Variants in BTBD10 observed in about 807,000 individuals in gnomAD.
The protein encoded by BTBD10 is BTB/POZ domain-containing protein 10.
BTBD10 carries 21 observed loss-of-function variants against 53.2 expected under a neutral mutation model. The ratio of observed to expected loss-of-function variants is 0.39; its 90% CI spans 0.28 to 0.57. The LOEUF (loss-of-function observed/expected upper bound fraction) is 0.57, where lower values mean the gene tolerates loss of function less well. BTBD10 is among the 20% of genes least tolerant of loss of function. BTBD10 has a pLI of 0.53. For synonymous variants in BTBD10, 149 were observed against 192.7 expected (o/e 0.77, Z 1.88); for missense variants, 360 against 594.7 (o/e 0.61, Z 4.10).
At chr11:13,389,252 A>C in intron 8 of BTBD10, 111 bp from the exon 9 acceptor site, 1 of 856,506 alleles carries the variant, frequency 1.2e-6, no homozygotes, top group South Asian at 1.8e-5. Flanking sequence ...ATTTAAAACA[A>C]AGAAGTGAAA....
chr11:13,444,033 T>A (rs1278162198), intron 2 of BTBD10, among the ~76,000 whole-genome samples: 1 of 152,148 alleles, frequency 6.6e-6, no homozygotes, highest in Non-Finnish European at 1.5e-5. Flanking sequence ...TGGCATGGAC[T>A]TATAAATTAT....
chr11:13,448,721 T>C (rs1447040988), intron 1 of BTBD10, among the ~76,000 whole-genome samples: 1 of 152,138 alleles, frequency 6.6e-6, no homozygotes, highest in African/African-American at 2.4e-5. Flanking sequence ...CTTACTAGCT[T>C]TGCTGTAATC....
At chr11:13,413,798 T>C in intron 5 of BTBD10, 148 bp from the exon 6 acceptor site, 1 of 650,458 alleles carries the variant, frequency 1.5e-6, no homozygotes, top group South Asian at 3.6e-5. Flanking sequence ...AGATGAGACC[T>C]CCGTTCACCT....
intron 2 of BTBD10, among the ~76,000 whole-genome samples, chr11:13,443,878 C>T (rs1419292729): frequency 6.6e-6 from 1 of 152,014 alleles, no homozygotes; most frequent in Non-Finnish European, 1.5e-5. Flanking sequence ...ACCACCACAC[C>T]TGGCAAAACC....
chr11:13,453,719 G>C (rs1374181240), intron 1 of BTBD10, among the ~76,000 whole-genome samples: 1 of 152,154 alleles, frequency 6.6e-6, no homozygotes, highest in Non-Finnish European at 1.5e-5. Flanking sequence ...CCACAGCCTA[G>C]CACAATTTGT....
chr11:13,415,029 T>C (rs934241950), intron 5 of BTBD10, among the ~76,000 whole-genome samples: 12 of 150,884 alleles, frequency 8.0e-5, no homozygotes, highest in African/African-American at 2.7e-4. Flanking sequence ...CATCACAGCA[T>C]CCTCCCTTCC....
At chr11:13,444,884 G>C in intron 2 of BTBD10, 140 bp downstream of exon 2, 1 of 488,304 alleles carries the variant, frequency 2.0e-6, no homozygotes. Flanking sequence ...AGTTATCTAT[G>C]GAGACAGATA....
intron 4 of BTBD10, among the ~76,000 whole-genome samples, chr11:13,418,703 A>G (rs1414986060): frequency 6.6e-6 from 1 of 152,176 alleles, no homozygotes; most frequent in Non-Finnish European, 1.5e-5. Context: ...TACATATGCA[A>G]TCTAGTAAAG....
intron 8 of BTBD10, among the ~76,000 whole-genome samples, chr11:13,397,646 T>G (rs1591091796): frequency 6.6e-6 from 1 of 152,358 alleles, no homozygotes; most frequent in East Asian, 1.9e-4. Context: ...GGTGTCAATT[T>G]TAGATCTTTC....
intron 8 of BTBD10, 31 bp from the exon 9 acceptor site, chr11:13,389,172 G>A: frequency 1.3e-6 from 2 of 1,581,250 alleles, no homozygotes; most frequent in Non-Finnish European, 1.7e-6. Flanking sequence ...AAAAACTGAG[G>A]AGACACACAC....
chr11:13,432,079 A>G (rs1023875150), intron 2 of BTBD10, among the ~76,000 whole-genome samples: 1 of 152,122 alleles, frequency 6.6e-6, no homozygotes, highest in Non-Finnish European at 1.5e-5. Context: ...ATCCAAAAGC[A>G]TTTCGCTGAA....
intron 1 of BTBD10, among the ~76,000 whole-genome samples, chr11:13,450,143 C>T (rs568959831): frequency 2.0e-5 from 3 of 151,968 alleles, no homozygotes; most frequent in Non-Finnish European, 2.9e-5. Context: ...CATAGTGATC[C>T]CAGAATCAGA....
chr11:13,454,878 T>C lies in BTBD10; in HGVS notation c.-58+8214A>G, dbSNP rs113053310. On this transcript the variant is annotated intron_variant, in intron 1 of 8. Transcript: ENST00000278174. Reference sequence around the variant, plus strand: ...AACTGCATGGTATTTCCATTAAAAGTAGGATCTGTTGTTTATTTATTTATT... The same window carrying C: ...AACTGCATGGTATTTCCATTAAAAGCAGGATCTGTTGTTTATTTATTTATT... Among the ~76,000 whole-genome samples the C allele has an allele frequency of 6.8e-3, 1,038 of 152,086 alleles. 16 individuals are homozygous for C. The highest frequency in any genetic ancestry group is 0.024 in the African/African-American group (991 of 41,480).
chr11:13,450,425 A>G (rs2134045938), intron 1 of BTBD10, among the ~76,000 whole-genome samples: 1 of 152,356 alleles, frequency 6.6e-6, no homozygotes, highest in African/African-American at 2.4e-5. Context: ...ACATGGAGGA[A>G]GAATTCTAAG....
intron 2 of BTBD10, among the ~76,000 whole-genome samples, chr11:13,429,760 T>C (rs188734480): frequency 6.6e-6 from 1 of 152,194 alleles, no homozygotes; most frequent in East Asian, 1.9e-4. Flanking sequence ...AACCGACAAC[T>C]GAACTTCATC....
chr11:13,422,746 T>C (rs758742152), intron 2 of BTBD10, among the ~76,000 whole-genome samples: 11 of 152,236 alleles, frequency 7.2e-5, no homozygotes, highest in Non-Finnish European at 1.6e-4. Context: ...AAATATCTTA[T>C]ATATAATAAA....
intron 2 of BTBD10, among the ~76,000 whole-genome samples, chr11:13,437,058 C>T (rs1950556662): frequency 6.6e-6 from 1 of 152,246 alleles, no homozygotes; most frequent in Non-Finnish European, 1.5e-5. Flanking sequence ...GCTGGGATTA[C>T]AGGCGTGAGA....
chr11:13,444,788 A>T (rs377187719), intron 2 of BTBD10, among the ~76,000 whole-genome samples: 1 of 152,204 alleles, frequency 6.6e-6, no homozygotes. Flanking sequence ...CATGGGGTCA[A>T]CTAGGGAGAT....
At chr11:13,394,594 G>A (rs1165222609) in intron 8 of BTBD10, among the ~76,000 whole-genome samples, 9 of 152,004 alleles carry the variant, frequency 5.9e-5, no homozygotes, top group African/African-American at 1.7e-4. Flanking sequence ...CGTGCACAAC[G>A]TGCAGGTTTA....
Sources: allele counts gnomAD v4.1 joint callset (sites outside exome capture counted in the v4.1 genomes callset), GRCh38; gene constraint gnomAD v4.1.1; transcripts MANE v1.5; gene names NCBI Gene and HGNC (gene_info 2026-07-23, HGNC 2026-07-21).